The following AGBL4 variants were observed in gnomAD, a reference collection of about 807,000 sequenced individuals.
AGBL4 encodes the protein AGBL carboxypeptidase 4, also known as cytosolic carboxypeptidase 6.
A neutral mutation model predicts 66.4 loss-of-function variants in AGBL4; 58 were observed. The observed-to-expected ratio is 0.87, with a 90% CI of 0.71 to 1.09. AGBL4 has a LOEUF of 1.09. AGBL4 is among the 50% of genes least tolerant of loss of function. AGBL4 has a pLI of 0.00. For synonymous variants in AGBL4, 234 were observed against 222.9 expected (o/e 1.05, Z -0.44); for missense variants, 579 against 631.0 (o/e 0.92, Z 0.88).
intron 3 of AGBL4, among the ~76,000 whole-genome samples, chr1:49,435,190 A>G (rs1019439203): frequency 6.6e-6 from 1 of 152,216 alleles, no homozygotes; most frequent in African/African-American, 2.4e-5. Context: ...TCTTTTCAAT[A>G]TGCTCCATGG....
intron 2 of AGBL4, among the ~76,000 whole-genome samples, chr1:49,839,015 C>A (rs934574713): frequency 2.0e-5 from 3 of 152,144 alleles, no homozygotes; most frequent in Non-Finnish European, 4.4e-5. Flanking sequence ...TTTCAATATG[C>A]CCAATTCATA....
At chr1:48,890,912 T>C (rs201825365) in intron 5 of AGBL4, among the ~76,000 whole-genome samples, 1 of 152,100 alleles carries the variant, frequency 6.6e-6, no homozygotes, top group Admixed American at 6.5e-5. Context: ...GAACCAATAA[T>C]CAATAATCAG....
chr1:48,803,614 T>C (rs1296651464), intron 6 of AGBL4, among the ~76,000 whole-genome samples: 1 of 152,198 alleles, frequency 6.6e-6, no homozygotes, highest in Admixed American at 6.5e-5. Flanking sequence ...CTGGGGAAGG[T>C]ACAGATCTGT....
At chr1:48,662,043 C>A (rs1475735467) in intron 7 of AGBL4, among the ~76,000 whole-genome samples, 1 of 152,194 alleles carries the variant, frequency 6.6e-6, no homozygotes, top group East Asian at 1.9e-4. Context: ...CCCTGAAACT[C>A]CATCTTCTCA....
At chr1:49,935,387 G>C (rs1263417300) in intron 1 of AGBL4, among the ~76,000 whole-genome samples, 1 of 152,236 alleles carries the variant, frequency 6.6e-6, no homozygotes, top group Non-Finnish European at 1.5e-5. Context: ...GCCTCTGTAG[G>C]CTCCACCTCT....
At chr1:48,754,903 A>G (rs1429934905) in intron 6 of AGBL4, among the ~76,000 whole-genome samples, 1 of 152,176 alleles carries the variant, frequency 6.6e-6, no homozygotes, top group Non-Finnish European at 1.5e-5. Context: ...CAGGGGTCAG[A>G]AGACCCTTAG....
intron 2 of AGBL4, chr1:49,845,135 GTACGCA>G: frequency 7.1e-7 from 1 of 1,400,464 alleles, no homozygotes. Context: ...CAACACCACC[GTACGCA>G]TACAGGACAG....
At chr1:49,411,744 G>A (rs951647192) in intron 3 of AGBL4, among the ~76,000 whole-genome samples, 1 of 152,060 alleles carries the variant, frequency 6.6e-6, no homozygotes, top group Admixed American at 6.6e-5. Context: ...ATAAAATTAA[G>A]GTCATTGAAG....
At chr1:49,895,083 C>T (rs1465866122) in intron 1 of AGBL4, among the ~76,000 whole-genome samples, 3 of 151,732 alleles carry the variant, frequency 2.0e-5, no homozygotes, top group Non-Finnish European at 4.4e-5. Context: ...GGAAGCCCTA[C>T]AGGCCAGGAG....
chr1:49,958,969 G>A (rs1290569610), intron 1 of AGBL4, among the ~76,000 whole-genome samples: 1 of 150,876 alleles, frequency 6.6e-6, no homozygotes, highest in Non-Finnish European at 1.5e-5. Flanking sequence ...AAATGAGAAA[G>A]TCACTTAACA....
chr1:48,984,788 C>T (rs910957828), intron 5 of AGBL4, among the ~76,000 whole-genome samples: 7 of 151,626 alleles, frequency 4.6e-5, no homozygotes, highest in African/African-American at 1.7e-4. Flanking sequence ...TATCTGATGC[C>T]TGAACTGTGC....
intron 6 of AGBL4, among the ~76,000 whole-genome samples, chr1:48,683,211 C>T (rs74748016): frequency 0.038 from 5,843 of 152,286 alleles, 375 homozygotes; most frequent in African/African-American, 0.13. Context: ...GGTGGTTCTG[C>T]GGACTTGTCC....
At chr1:48,992,180 T>G (rs963975134) in intron 5 of AGBL4, among the ~76,000 whole-genome samples, 7 of 152,154 alleles carry the variant, frequency 4.6e-5, no homozygotes, top group Non-Finnish European at 1.0e-4. Context: ...GTGATCTAAC[T>G]TTTTAGTCCT....
At chr1:48,585,543 A>G (rs1569889054) in intron 11 of AGBL4, 1 of 152,252 alleles carries the variant, frequency 6.6e-6, no homozygotes, top group Non-Finnish European at 1.5e-5. Flanking sequence ...GGACTTTGGA[A>G]CCCACAGACC....
At chr1:49,351,040 G>A (rs555346183) in intron 3 of AGBL4, among the ~76,000 whole-genome samples, 6 of 152,226 alleles carry the variant, frequency 3.9e-5, no homozygotes, top group African/African-American at 7.2e-5. Context: ...ACAGCAAGCC[G>A]CTTCTTTCAA....
chr1:48,714,827 C>A (rs72904803), intron 6 of AGBL4, among the ~76,000 whole-genome samples: 9,284 of 152,300 alleles, frequency 0.061, 398 homozygotes, highest in African/African-American at 0.12. Context: ...AGACCCTACA[C>A]TGAAGCTCTC....
chr1:48,609,922 A>T (rs1271320517), intron 9 of AGBL4, among the ~76,000 whole-genome samples: 1 of 152,162 alleles, frequency 6.6e-6, no homozygotes, highest in Non-Finnish European at 1.5e-5. Flanking sequence ...CTTCTTTATT[A>T]TAAGAGCCCA....
intron 1 of AGBL4, among the ~76,000 whole-genome samples, chr1:49,880,404 G>C (rs1227298742): frequency 6.6e-6 from 1 of 152,010 alleles, no homozygotes; most frequent in Non-Finnish European, 1.5e-5. Flanking sequence ...CTGCAGGTCT[G>C]TTGGAATACC....
rs534996918 is a variant in AGBL4, at chr1:49,536,298, G to T, written c.282+161015C>A. The stretch of plus-strand genomic sequence containing the variant: ...GTGTGTCTATATTGTATATTACTAG[G>T]AATTCTGTGTTGCTTGAGATAGTAG... On this transcript the variant is annotated intron_variant, in intron 3 of 13. Coordinates refer to ENST00000371839, the MANE Select transcript of AGBL4 (RefSeq NM_032785.4). Among the ~76,000 whole-genome samples the T allele has an allele frequency of 1.2e-4, 19 of 152,276 alleles. No homozygotes were observed. In the East Asian group the frequency reaches 3.7e-3, roughly 29 times the overall value.
Sources: gnomAD v4.1 joint callset for allele counts (sites outside exome capture counted in the v4.1 genomes callset) on GRCh38, gnomAD v4.1.1 for gene constraint, MANE v1.5 for transcripts, NCBI Gene and HGNC (gene_info 2026-07-23, HGNC 2026-07-21) for gene names.